The following KAZN variants were observed in gnomAD, a reference collection of about 807,000 sequenced individuals.
KAZN encodes kazrin.
In KAZN, 40 loss-of-function variants were observed where a neutral mutation model predicts 87.4. The ratio of observed to expected loss-of-function variants is 0.46; its 90% CI spans 0.36 to 0.60. The LOEUF (loss-of-function observed/expected upper bound fraction) is 0.60, where lower values mean the gene tolerates loss of function less well. KAZN is among the 20% of genes least tolerant of loss of function. The pLI is 0.00. For synonymous variants in KAZN, 466 were observed against 458.3 expected, an observed-to-expected ratio of 1.02 and a Z score of -0.22; for missense variants, 898 against 1,073.9, an observed-to-expected ratio of 0.84 and a Z score of 2.29.
At chr1:14,466,975 AAATT>A (rs1201782734) in intron 2 of KAZN, among the ~76,000 whole-genome samples, 1 of 152,246 alleles carries the variant, frequency 6.6e-6, no homozygotes, top group African/African-American at 2.4e-5. Context: ...TCTCAAAAAA[AAATT>A]AATTAAATAA....
chr1:14,763,481 G>A (rs537356980), intron 1 of KAZN, among the ~76,000 whole-genome samples: 3 of 152,326 alleles, frequency 2.0e-5, no homozygotes, highest in South Asian at 4.1e-4. Flanking sequence ...TACACCATAG[G>A]AGAGAACAGA....
At chr1:14,204,685 A>C (rs1241833594) in intron 2 of KAZN, among the ~76,000 whole-genome samples, 3 of 152,258 alleles carry the variant, frequency 2.0e-5, no homozygotes, top group African/African-American at 7.2e-5. Context: ...GGGATTAAAA[A>C]AACCTTTTAT....
chr1:14,721,401 C>T (rs1643095762), intron 1 of KAZN, among the ~76,000 whole-genome samples: 1 of 152,176 alleles, frequency 6.6e-6, no homozygotes, highest in African/African-American at 2.4e-5. Context: ...CTGAGGCCTC[C>T]CCAGCCATGC....
chr1:14,515,312 A>G (rs1671244025), intron 2 of KAZN, among the ~76,000 whole-genome samples: 1 of 152,242 alleles, frequency 6.6e-6, no homozygotes, highest in Non-Finnish European at 1.5e-5. Context: ...CCTCAGCTAG[A>G]AAATGGCATA....
At chr1:13,971,679 C>T (rs1430900242) in intron 1 of KAZN, among the ~76,000 whole-genome samples, 1 of 152,014 alleles carries the variant, frequency 6.6e-6, no homozygotes, top group East Asian at 1.9e-4. Flanking sequence ...TGTGTCTCCA[C>T]CAAAATCTCA....
At chr1:14,107,015 C>T (rs1045783619) in intron 1 of KAZN, among the ~76,000 whole-genome samples, 16 of 113,936 alleles carry the variant, frequency 1.4e-4, no homozygotes, top group African/African-American at 5.3e-4. Context: ...TCTCCCTCCC[C>T]TCCCTCTCTC....
intron 1 of KAZN, among the ~76,000 whole-genome samples, chr1:14,837,418 C>G (rs894397201): frequency 1.3e-5 from 2 of 152,114 alleles, no homozygotes; most frequent in African/African-American, 4.8e-5. Context: ...AGGCTGGTCT[C>G]GAACTCCCGA....
chr1:14,469,840 A>T (rs1271474431), intron 2 of KAZN, among the ~76,000 whole-genome samples: 3 of 151,596 alleles, frequency 2.0e-5, no homozygotes. Flanking sequence ...CTAACCTCAG[A>T]CATAAGTGAC....
intron 2 of KAZN, among the ~76,000 whole-genome samples, chr1:14,582,230 A>G (rs897827486): frequency 3.9e-5 from 6 of 151,908 alleles, no homozygotes; most frequent in African/African-American, 2.4e-5. Context: ...AATGACAGGA[A>G]CCCCAGCCAG....
chr1:14,947,113 G>A (rs1004892148), intron 1 of KAZN, among the ~76,000 whole-genome samples: 2 of 152,284 alleles, frequency 1.3e-5, no homozygotes, highest in Middle Eastern at 3.4e-3. Context: ...AGCAGGGCTG[G>A]GCTCTCCCGG....
At chr1:14,020,612 T>A (rs1301812111) in intron 1 of KAZN, among the ~76,000 whole-genome samples, 1 of 152,226 alleles carries the variant, frequency 6.6e-6, no homozygotes, top group African/African-American at 2.4e-5. Flanking sequence ...GTGCTGGATA[T>A]GCATGATAAG....
chr1:14,638,579 C>CA (rs60784404), intron 1 of KAZN, among the ~76,000 whole-genome samples: 1,499 of 128,684 alleles, frequency 0.012, 32 homozygotes, highest in African/African-American at 0.037. Flanking sequence ...AAAAAAAAAA[C>CA]AAAAAAAAAA....
At chr1:14,816,874 G>C (rs905528352) in intron 1 of KAZN, among the ~76,000 whole-genome samples, 1 of 152,170 alleles carries the variant, frequency 6.6e-6, no homozygotes, top group Admixed American at 6.5e-5. Flanking sequence ...CACACTCAAA[G>C]CTAGGAGATT....
At chr1:14,913,389 G>A (rs1417289132) in intron 1 of KAZN, among the ~76,000 whole-genome samples, 2 of 152,192 alleles carry the variant, frequency 1.3e-5, no homozygotes, top group African/African-American at 4.8e-5. Flanking sequence ...AAACTTCAGG[G>A]GGAAGATGCC....
intron 1 of KAZN, among the ~76,000 whole-genome samples, chr1:14,647,889 C>T (rs896145032): frequency 1.3e-5 from 2 of 152,140 alleles, no homozygotes; most frequent in African/African-American, 4.8e-5. Flanking sequence ...GGAATCTTAA[C>T]AGAAAGGGTG....
At chr1:15,067,360 C>G (rs1639289655) in intron 8 of KAZN, 1 of 985,374 alleles carries the variant, frequency 1.0e-6, no homozygotes, top group African/African-American at 1.7e-5. Context: ...GAACATCTGC[C>G]TATATGGGGG....
At chr1:15,087,988 G>T (rs1640342212) in intron 8 of KAZN, among the ~76,000 whole-genome samples, 1 of 152,202 alleles carries the variant, frequency 6.6e-6, no homozygotes, top group Non-Finnish European at 1.5e-5. Flanking sequence ...AGATCTTTTG[G>T]TTGATAAGCC....
intron 1 of KAZN, among the ~76,000 whole-genome samples, chr1:14,906,925 CTT>C (rs1347769866): frequency 6.6e-6 from 1 of 151,798 alleles, no homozygotes; most frequent in Non-Finnish European, 1.5e-5. Flanking sequence ...TACAAAGAAG[CTT>C]TTGCACTGGA....
intron 1 of KAZN, among the ~76,000 whole-genome samples, chr1:14,732,252 G>A (rs964156415): frequency 3.3e-5 from 5 of 152,082 alleles, no homozygotes; most frequent in Admixed American, 6.6e-5. Flanking sequence ...GGAAATAAAG[G>A]TGTTGGAGTC....
Sources: allele counts gnomAD v4.1 joint callset (sites outside exome capture counted in the v4.1 genomes callset), GRCh38; gene constraint gnomAD v4.1.1; transcripts MANE v1.5; gene names NCBI Gene and HGNC (gene_info 2026-07-23, HGNC 2026-07-21).